Variants in CRPPA observed in about 807,000 individuals in gnomAD.
CRPPA encodes D-ribitol-5-phosphate cytidylyltransferase.
CRPPA carries 43 observed loss-of-function variants against 52.0 expected under a neutral mutation model. That is an observed-to-expected ratio of 0.83 (90% CI 0.65 to 1.07). The LOEUF (loss-of-function observed/expected upper bound fraction) is 1.07, where lower values mean the gene tolerates loss of function less well. Among genes scored for constraint, CRPPA ranks in the 50% least tolerant of loss-of-function variants. CRPPA has a pLI of 0.00. For synonymous variants in CRPPA, 250 were observed against 203.5 expected (o/e 1.23, Z -1.94); for missense variants, 629 against 551.7 (o/e 1.14, Z -1.40).
At chr7:16,291,618 T>G (rs1784566424) in intron 5 of CRPPA, among the ~76,000 whole-genome samples, 1 of 151,852 alleles carries the variant, frequency 6.6e-6, no homozygotes, top group Non-Finnish European at 1.5e-5. Context: ...GGGAGGTTAG[T>G]GGGTACAAAC....
chr7:16,111,156 G>T (rs1416702157), intron 9 of CRPPA, among the ~76,000 whole-genome samples: 1 of 151,582 alleles, frequency 6.6e-6, no homozygotes, highest in East Asian at 1.9e-4. Flanking sequence ...AAATACAAAC[G>T]GCCAACAAGT....
chr7:16,110,832 C>T (rs965730967), intron 9 of CRPPA, among the ~76,000 whole-genome samples: 1 of 151,792 alleles, frequency 6.6e-6, no homozygotes, highest in Admixed American at 6.6e-5. Context: ...AGACCAAAAG[C>T]TATAAAACTA....
chr7:16,096,287 A>C (rs976530164), intron 9 of CRPPA, among the ~76,000 whole-genome samples: 9 of 152,190 alleles, frequency 5.9e-5, no homozygotes, highest in Non-Finnish European at 1.0e-4. Flanking sequence ...AGAAAAAAAA[A>C]CACCCATAAT....
chr7:16,404,199 G>C (rs905901262), intron 2 of CRPPA, among the ~76,000 whole-genome samples: 4 of 152,064 alleles, frequency 2.6e-5, no homozygotes, highest in African/African-American at 9.7e-5. Context: ...GTATTTCTGA[G>C]GTTTCCTTAA....
At chr7:16,203,274 C>T (rs1391042981) in intron 9 of CRPPA, among the ~76,000 whole-genome samples, 2 of 152,140 alleles carry the variant, frequency 1.3e-5, no homozygotes, top group East Asian at 1.9e-4. Context: ...ATCTGTTCCC[C>T]ATCCTGTGGG....
At chr7:16,352,287 G>C (rs965586368) in intron 3 of CRPPA, among the ~76,000 whole-genome samples, 2 of 151,858 alleles carry the variant, frequency 1.3e-5, no homozygotes, top group Non-Finnish European at 2.9e-5. Context: ...CAAGGGGAGG[G>C]AGAACATTAG....
chr7:16,378,545 AT>A (rs1370840831), intron 2 of CRPPA, among the ~76,000 whole-genome samples: 1 of 151,934 alleles, frequency 6.6e-6, no homozygotes, highest in Non-Finnish European at 1.5e-5. Context: ...AGTATTTGCT[AT>A]TGTGAATAGT....
At chr7:16,390,713 T>C (rs989162727) in intron 2 of CRPPA, among the ~76,000 whole-genome samples, 1 of 152,118 alleles carries the variant, frequency 6.6e-6, no homozygotes, top group African/African-American at 2.4e-5. Flanking sequence ...AAAACAAAAA[T>C]GACTTGTGAA....
chr7:16,228,250 C>T (rs901752567), intron 8 of CRPPA, among the ~76,000 whole-genome samples: 1 of 151,526 alleles, frequency 6.6e-6, no homozygotes. Flanking sequence ...TTTTTTTAGC[C>T]CTTCAAAAAA....
At chr7:16,192,872 T>C (rs897801812) in intron 9 of CRPPA, among the ~76,000 whole-genome samples, 2 of 152,164 alleles carry the variant, frequency 1.3e-5, no homozygotes, top group Admixed American at 1.3e-4. Context: ...ATCAGTTGTC[T>C]ATATATGTGT....
chr7:16,206,286 A>T (rs1266942061), intron 9 of CRPPA, among the ~76,000 whole-genome samples: 2 of 152,134 alleles, frequency 1.3e-5, no homozygotes, highest in Non-Finnish European at 2.9e-5. Context: ...GGTAATATAT[A>T]GTTTAGTGGT....
intron 3 of CRPPA, among the ~76,000 whole-genome samples, 169 bp from the exon 4 acceptor site, chr7:16,308,796 G>A (rs910790030): frequency 2.0e-5 from 3 of 152,154 alleles, no homozygotes; most frequent in South Asian, 4.1e-4. Context: ...AAGCAAAACA[G>A]GGAATAGGAA....
At chr7:16,335,395 G>C (rs920261035) in intron 3 of CRPPA, among the ~76,000 whole-genome samples, 3 of 152,070 alleles carry the variant, frequency 2.0e-5, no homozygotes, top group Non-Finnish European at 2.9e-5. Context: ...AAGAAATACA[G>C]ATCTGAAATT....
At chr7:16,259,471 A>T (rs187174790) in intron 6 of CRPPA, among the ~76,000 whole-genome samples, 2 of 152,004 alleles carry the variant, frequency 1.3e-5, no homozygotes, top group Admixed American at 6.6e-5. Context: ...TCACAACAAT[A>T]TAAGTGAGAG....
chr7:16,266,476 G>A (rs921603772), intron 6 of CRPPA, among the ~76,000 whole-genome samples: 1 of 132,692 alleles, frequency 7.5e-6, no homozygotes, highest in African/African-American at 2.8e-5. Flanking sequence ...CCCGTTTTTT[G>A]TTTTTCTTTT....
chr7:16,104,185 T>C (rs1463499077), intron 9 of CRPPA, among the ~76,000 whole-genome samples: 1 of 152,180 alleles, frequency 6.6e-6, no homozygotes, highest in Non-Finnish European at 1.5e-5. Context: ...TGGCCATGAA[T>C]TACAACCTGC....
intron 3 of CRPPA, among the ~76,000 whole-genome samples, chr7:16,335,836 A>C (rs1268924423): frequency 6.6e-6 from 1 of 152,228 alleles, no homozygotes; most frequent in Non-Finnish European, 1.5e-5. Flanking sequence ...TCAAATTATC[A>C]AAAACCAAAA....
intron 9 of CRPPA, among the ~76,000 whole-genome samples, chr7:16,163,403 G>C (rs1490927070): frequency 6.6e-6 from 1 of 150,794 alleles, no homozygotes; most frequent in Admixed American, 6.6e-5. Flanking sequence ...TTGAGCCTAT[G>C]TGTGTCTTTG....
intron 6 of CRPPA, 135 bp from the exon 7 acceptor site, chr7:16,259,147 C>G: frequency 1.9e-6 from 1 of 540,504 alleles, no homozygotes; most frequent in East Asian, 3.1e-5. Context: ...ATGAAACATG[C>G]TGAAGTTCAT....
Sources: gnomAD v4.1 joint callset for allele counts (sites outside exome capture counted in the v4.1 genomes callset) on GRCh38, gnomAD v4.1.1 for gene constraint, MANE v1.5 for transcripts, NCBI Gene and HGNC (gene_info 2026-07-23, HGNC 2026-07-21) for gene names.